Variants in L3MBTL4 observed in about 807,000 individuals in gnomAD.
L3MBTL4 encodes the protein lethal(3)malignant brain tumor-like protein 4.
Under a neutral mutation model 84.5 loss-of-function variants are expected in L3MBTL4, and 70 were observed. That is an observed-to-expected ratio of 0.83 (90% CI 0.68 to 1.01). The LOEUF (loss-of-function observed/expected upper bound fraction) is 1.01, where lower values mean the gene tolerates loss of function less well. L3MBTL4 is among the 50% of genes least tolerant of loss of function. L3MBTL4 has a pLI of 0.00. For missense variants in L3MBTL4, 715 were observed against 754.8 expected (o/e 0.95, Z 0.62); for synonymous variants, 274 against 259.8 (o/e 1.05, Z -0.52).
chr18:6,187,202 G>C (rs757386249), intron 12 of L3MBTL4, among the ~76,000 whole-genome samples: 59 of 152,120 alleles, frequency 3.9e-4, no homozygotes, highest in Non-Finnish European at 5.7e-4. Context: ...CAAGGTAGAT[G>C]CTGTTTTTAG....
intron 5 of L3MBTL4, among the ~76,000 whole-genome samples, chr18:6,247,124 C>T (rs1334104192): frequency 6.6e-6 from 1 of 152,038 alleles, no homozygotes; most frequent in East Asian, 1.9e-4. Context: ...ATTTTGAAGG[C>T]CCTTTACCCC....
intron 16 of L3MBTL4, among the ~76,000 whole-genome samples, chr18:6,071,628 T>C (rs111676441): frequency 1.0e-3 from 112 of 111,792 alleles, no homozygotes; most frequent in African/African-American, 3.7e-3. Flanking sequence ...CAGAGATAGA[T>C]CCCATAAAAA....
At chr18:6,221,566 C>G (rs1455534135) in intron 10 of L3MBTL4, among the ~76,000 whole-genome samples, 1 of 152,138 alleles carries the variant, frequency 6.6e-6, no homozygotes, top group African/African-American at 2.4e-5. Flanking sequence ...GAAGTCAAAG[C>G]TAGAGCCTGT....
At chr18:6,195,140 A>G (rs1599099463) in intron 12 of L3MBTL4, among the ~76,000 whole-genome samples, 1 of 152,344 alleles carries the variant, frequency 6.6e-6, no homozygotes, top group East Asian at 1.9e-4. Flanking sequence ...TGATGATATT[A>G]TCACATAAAG....
chr18:6,154,933 G>A (rs532302914), intron 13 of L3MBTL4, among the ~76,000 whole-genome samples: 18 of 152,166 alleles, frequency 1.2e-4, no homozygotes, highest in African/African-American at 4.1e-4. Flanking sequence ...AAAGAATAAC[G>A]ATGACTTCAA....
At chr18:6,404,767 G>C (rs1490914495) in intron 1 of L3MBTL4, among the ~76,000 whole-genome samples, 1 of 152,100 alleles carries the variant, frequency 6.6e-6, no homozygotes, top group Non-Finnish European at 1.5e-5. Flanking sequence ...GCTCACTGCT[G>C]CCTCGGTCTC....
intron 14 of L3MBTL4, among the ~76,000 whole-genome samples, chr18:6,121,288 A>G (rs2059517191): frequency 6.6e-6 from 1 of 152,204 alleles, no homozygotes; most frequent in South Asian, 2.1e-4. Context: ...CACTGCTATC[A>G]AGAAGAAATT....
intron 16 of L3MBTL4, among the ~76,000 whole-genome samples, chr18:6,047,011 T>A (rs2056651304): frequency 6.6e-6 from 1 of 152,092 alleles, no homozygotes; most frequent in African/African-American, 2.4e-5. Context: ...GCTAGCTAAA[T>A]TAACAAAGAA....
chr18:6,031,297 T>C, intron 16 of L3MBTL4: 2 of 985,484 alleles, frequency 2.0e-6, no homozygotes, highest in East Asian at 1.1e-4. Flanking sequence ...GTTCTTGTGT[T>C]CCTGGGCATT....
At chr18:6,307,737 T>A (rs1330290048) in intron 3 of L3MBTL4, among the ~76,000 whole-genome samples, 1 of 152,216 alleles carries the variant, frequency 6.6e-6, no homozygotes, top group Non-Finnish European at 1.5e-5. Flanking sequence ...CATATTTCTA[T>A]CTCTCAAAGT....
chr18:6,403,789 A>G (rs185494859), intron 1 of L3MBTL4, among the ~76,000 whole-genome samples: 7 of 152,360 alleles, frequency 4.6e-5, no homozygotes, highest in Admixed American at 2.6e-4. Context: ...ACAAAGCCAC[A>G]TGCACATGCA....
chr18:6,022,741 G>T (rs1407606842), intron 16 of L3MBTL4, among the ~76,000 whole-genome samples: 1 of 152,214 alleles, frequency 6.6e-6, no homozygotes. Context: ...GGGTCACCCG[G>T]CCATAAGTAA....
At chr18:6,201,626 A>G (rs1397993561) in intron 12 of L3MBTL4, among the ~76,000 whole-genome samples, 1 of 152,226 alleles carries the variant, frequency 6.6e-6, no homozygotes, top group South Asian at 2.1e-4. Flanking sequence ...GACAAAAATT[A>G]CATTCCCAAT....
At chr18:6,028,372 T>G (rs901342736) in intron 16 of L3MBTL4, among the ~76,000 whole-genome samples, 7 of 152,324 alleles carry the variant, frequency 4.6e-5, no homozygotes, top group African/African-American at 4.8e-5. Flanking sequence ...TTCTGAGGTC[T>G]CTGCTCTGTT....
At position 6,323,120 on chromosome 18, in the gene L3MBTL4, C is replaced by T. The variant is rs187948263; in HGVS notation, c.-90-11064G>A. 6.7e-4 allele frequency among the ~76,000 whole-genome samples: 102 copies of T among 152,312 alleles called. 1 individual carries two copies. Among genetic ancestry groups the T allele is most frequent in the Non-Finnish European group, 1.2e-3 (82 of 68,032 alleles). ...CATGACTGTAAGTTTCCTGAGGCCT[C>T]CCCAGAAGTTGATGCCACCATGCTT... On this transcript the variant is annotated intron_variant, in intron 1 of 18. Coordinates refer to ENST00000317931, the MANE Select transcript of L3MBTL4 (RefSeq NM_001330559.2).
intron 1 of L3MBTL4, among the ~76,000 whole-genome samples, chr18:6,332,878 T>TAGCAGTAGCAGCAGC (rs1160763385): frequency 5.9e-5 from 9 of 152,208 alleles, no homozygotes; most frequent in African/African-American, 2.2e-4. Context: ...AAAGCAGCAG[T>TAGCAGTAGCAGCAGC]AGCAGTAGCA....
chr18:6,176,059 A>G (rs2044212578), intron 12 of L3MBTL4, among the ~76,000 whole-genome samples: 1 of 152,192 alleles, frequency 6.6e-6, no homozygotes, highest in South Asian at 2.1e-4. Context: ...ATGATCCCAC[A>G]CAAGTGAAGA....
intron 16 of L3MBTL4, among the ~76,000 whole-genome samples, chr18:6,002,967 CA>C (rs1312463405): frequency 6.6e-6 from 1 of 150,646 alleles, no homozygotes; most frequent in African/African-American, 2.4e-5. Context: ...ATCTTAGATC[CA>C]AAGACACAAA....
intron 4 of L3MBTL4, among the ~76,000 whole-genome samples, chr18:6,300,498 G>T (rs2050291943): frequency 6.6e-6 from 1 of 152,100 alleles, no homozygotes; most frequent in Non-Finnish European, 1.5e-5. Flanking sequence ...CTTCCAACTG[G>T]ACGCTCCCAG....
Sources: allele counts gnomAD v4.1 joint callset (sites outside exome capture counted in the v4.1 genomes callset), GRCh38; gene constraint gnomAD v4.1.1; transcripts MANE v1.5; gene names NCBI Gene and HGNC (gene_info 2026-07-23, HGNC 2026-07-21).